PDE11A: variants seen among roughly 807,000 people sequenced by gnomAD.
PDE11A encodes the protein dual 3',5'-cyclic-AMP and -GMP phosphodiesterase 11A.
Under a neutral mutation model 100.5 loss-of-function variants are expected in PDE11A, and 100 were observed. The ratio of observed to expected loss-of-function variants is 1.00; its 90% confidence interval spans 0.85 to 1.18. The LOEUF (loss-of-function observed/expected upper bound fraction) is 1.18. PDE11A is among the 50% of genes most tolerant of loss of function. PDE11A has a pLI of 0.00. For synonymous variants in PDE11A, 381 were observed against 420.8 expected (o/e 0.91, Z 1.16); for missense variants, 1,141 against 1,152.6 (o/e 0.99, Z 0.15).
intron 2 of PDE11A, among the ~76,000 whole-genome samples, chr2:177,979,491 G>T (rs1024332442): frequency 2.0e-5 from 3 of 150,488 alleles, no homozygotes; most frequent in African/African-American, 7.2e-5. Flanking sequence ...TTGAAACATG[G>T]AACACCTACA....
intron 2 of PDE11A, among the ~76,000 whole-genome samples, chr2:177,954,360 CAA>C (rs2085536345): frequency 1.3e-5 from 2 of 151,960 alleles, no homozygotes; most frequent in African/African-American, 2.4e-5. Context: ...TAAAAGAGCC[CAA>C]GAGAGAGGTC....
At chr2:178,001,311 T>TGTGTGTGTGTG (rs59287027) in intron 2 of PDE11A, among the ~76,000 whole-genome samples, 30 of 148,110 alleles carry the variant, frequency 2.0e-4, no homozygotes, top group South Asian at 4.3e-4. Context: ...TGTGTGTGTG[T>TGTGTGTGTGTG]AGTAGGTTTA....
At chr2:178,079,137 A>G (rs953257101) in intron 2 of PDE11A, among the ~76,000 whole-genome samples, 2 of 152,202 alleles carry the variant, frequency 1.3e-5, no homozygotes, top group African/African-American at 2.4e-5. Context: ...AAAATTCAAC[A>G]ACAGATTCTT....
intron 6 of PDE11A, among the ~76,000 whole-genome samples, chr2:177,835,130 G>A (rs923375153): frequency 2.0e-4 from 31 of 152,204 alleles, no homozygotes; most frequent in African/African-American, 5.8e-4. Flanking sequence ...GACACCTATC[G>A]ATAGCACCCT....
upstream of PDE11A, among the ~76,000 whole-genome samples, chr2:178,076,939 T>C (rs1042925563): frequency 2.0e-5 from 3 of 152,122 alleles, no homozygotes; most frequent in African/African-American, 7.2e-5. Context: ...TCTTTCCACA[T>C]TGTATCTAAT....
intron 12 of PDE11A, among the ~76,000 whole-genome samples, chr2:177,714,379 C>T (rs1321308175): frequency 2.6e-5 from 4 of 152,220 alleles, no homozygotes; most frequent in Admixed American, 1.3e-4. Flanking sequence ...ATGTACCATA[C>T]ATTGTTCTAA....
At chr2:177,973,102 A>AACAGCTCCGGTCT (rs1402493486) in intron 2 of PDE11A, among the ~76,000 whole-genome samples, 1 of 151,792 alleles carries the variant, frequency 6.6e-6, no homozygotes, top group Non-Finnish European at 1.5e-5. Context: ...GCCGAATAGG[A>AACAGCTCCGGTCT]ACAGCTCCGG....
chr2:177,999,397 T>C (rs368098768), intron 2 of PDE11A, among the ~76,000 whole-genome samples: 5 of 152,296 alleles, frequency 3.3e-5, no homozygotes, highest in African/African-American at 1.2e-4. Flanking sequence ...TATAACAAAT[T>C]TCAGTTACAC....
At chr2:177,763,593 A>G (rs963457901) in intron 10 of PDE11A, among the ~76,000 whole-genome samples, 5 of 151,940 alleles carry the variant, frequency 3.3e-5, no homozygotes, top group Non-Finnish European at 7.4e-5. Flanking sequence ...AGGTGCCCCT[A>G]CCGATGGGGT....
rs2079816978 is a variant in PDE11A, at chr2:177,625,337, C to T, written c.*4070G>A. ...TGTGGGGACTGAATAAAAGTCAGTG[C>T]TTTTATGTAATAGATGGAGATTCTA... is the stretch of plus-strand genomic sequence containing the variant. On this transcript the variant is annotated 3_prime_UTR_variant, in exon 20 of 20. Transcript: ENST00000286063. 1 of 152,536 alleles carries T rather than the reference C, an allele frequency of 6.6e-6. No homozygotes were observed. The highest frequency in any genetic ancestry group is 2.4e-5 in the African/African-American group (1 of 41,424). The allele number at this position is 152,536 out of a possible 1,614,324, so 9.4% of individuals were successfully genotyped here.
chr2:178,008,988 A>G (rs2086244555), intron 2 of PDE11A, among the ~76,000 whole-genome samples: 1 of 152,232 alleles, frequency 6.6e-6, no homozygotes, highest in Non-Finnish European at 1.5e-5. Flanking sequence ...GCTGTTGGAA[A>G]GTACCTGCAA....
chr2:177,963,599 A>T (rs993635938), intron 2 of PDE11A, among the ~76,000 whole-genome samples: 1 of 152,192 alleles, frequency 6.6e-6, no homozygotes, highest in African/African-American at 2.4e-5. Flanking sequence ...GTCCACCTGC[A>T]AGGTGAGAAA....
intron 4 of PDE11A, among the ~76,000 whole-genome samples, chr2:177,883,267 C>CAAAAA (rs376882317): frequency 7.6e-6 from 1 of 132,262 alleles, no homozygotes. Flanking sequence ...GACTCTGTCT[C>CAAAAA]AAAAAAAAAA....
chr2:177,901,666 A>C (rs987170559), intron 3 of PDE11A, among the ~76,000 whole-genome samples: 6 of 152,196 alleles, frequency 3.9e-5, no homozygotes, highest in Non-Finnish European at 7.3e-5. Flanking sequence ...AAATCTCTGT[A>C]AGGGGTCAAT....
intron 2 of PDE11A, among the ~76,000 whole-genome samples, chr2:178,007,993 A>G (rs1249244030): frequency 1.3e-5 from 2 of 152,208 alleles, no homozygotes; most frequent in African/African-American, 4.8e-5. Flanking sequence ...GGCATGAGCC[A>G]TCTCACCTGG....
intron 7 of PDE11A, among the ~76,000 whole-genome samples, chr2:177,819,051 T>C (rs1038789050): frequency 6.6e-5 from 10 of 152,174 alleles, no homozygotes; most frequent in Admixed American, 1.3e-4. Context: ...ACTTTTAGGA[T>C]TGAAATGTAG....
intron 2 of PDE11A, among the ~76,000 whole-genome samples, chr2:177,950,817 A>C (rs2085496798): frequency 6.6e-6 from 1 of 152,244 alleles, no homozygotes; most frequent in Non-Finnish European, 1.5e-5. Flanking sequence ...ACGCTGAGGC[A>C]GGAGAATGGC....
At chr2:178,006,766 T>C (rs1194723354) in intron 2 of PDE11A, among the ~76,000 whole-genome samples, 1 of 151,872 alleles carries the variant, frequency 6.6e-6, no homozygotes, top group Non-Finnish European at 1.5e-5. Context: ...CATTATAAAA[T>C]TTGAAGACTA....
chr2:177,634,351 A>T (rs951249607), intron 19 of PDE11A, among the ~76,000 whole-genome samples: 1 of 151,772 alleles, frequency 6.6e-6, no homozygotes. Context: ...GGCAAAGGTA[A>T]CAAAACTCCT....
Sources: allele counts gnomAD v4.1 joint callset (sites outside exome capture counted in the v4.1 genomes callset), GRCh38; gene constraint gnomAD v4.1.1; transcripts MANE v1.5; gene names NCBI Gene and HGNC (gene_info 2026-07-23, HGNC 2026-07-21).